CACNA2D3: variants seen among roughly 807,000 people sequenced by gnomAD.
The protein encoded by CACNA2D3 is calcium voltage-gated channel auxiliary subunit alpha2delta 3.
Under a neutral mutation model 160.6 loss-of-function variants are expected in CACNA2D3, and 60 were observed. The observed-to-expected ratio is 0.37, with a 90% confidence interval of 0.30 to 0.46. The LOEUF is 0.46. Ranked by LOEUF, CACNA2D3 falls within the 20% of genes least tolerant of loss-of-function variation. The pLI, the probability that CACNA2D3 is intolerant of heterozygous loss-of-function variation, is 1.00. For synonymous variants in CACNA2D3, 558 were observed against 492.9 expected (o/e 1.13, Z -1.75); for missense variants, 1,205 against 1,365.0 (o/e 0.88, Z 1.85).
intron 27 of CACNA2D3, chr3:54,901,214 G>A (rs1322196099): frequency 1.3e-5 from 2 of 152,162 alleles, no homozygotes; most frequent in Admixed American, 6.5e-5. Flanking sequence ...CGGGAGCTGA[G>A]GCCACATGCA....
intron 5 of CACNA2D3, among the ~76,000 whole-genome samples, chr3:54,555,551 C>G (rs1314381810): frequency 6.6e-6 from 1 of 152,132 alleles, no homozygotes; most frequent in East Asian, 1.9e-4. Context: ...AAAGACAGAT[C>G]AGGGTTGTGG....
chr3:54,294,064 A>G (rs1703273813), intron 2 of CACNA2D3, among the ~76,000 whole-genome samples: 1 of 152,196 alleles, frequency 6.6e-6, no homozygotes, highest in Non-Finnish European at 1.5e-5. Context: ...CTGATCCCAT[A>G]ATTTGGAAGC....
chr3:54,621,326 C>T (rs1698983878), intron 9 of CACNA2D3, among the ~76,000 whole-genome samples: 1 of 152,230 alleles, frequency 6.6e-6, no homozygotes, highest in South Asian at 2.1e-4. Context: ...CCAGGATCCT[C>T]TGCTGGCCTC....
intron 2 of CACNA2D3, among the ~76,000 whole-genome samples, chr3:54,164,208 C>T (rs2107301163): frequency 6.6e-6 from 1 of 152,290 alleles, no homozygotes; most frequent in South Asian, 2.1e-4. Context: ...AGAGGGTAGG[C>T]CCGGCTGTCC....
In CACNA2D3 at chr3:54,704,046, A is replaced by C. The variant is rs889427488; in HGVS notation, c.1168-48553A>C. Among the ~76,000 whole-genome samples, 4 of 152,242 alleles carry C rather than the reference A, an allele frequency of 2.6e-5. No individual in the cohort carries two copies. In the East Asian group the frequency reaches 7.7e-4, roughly 29 times the overall value. On this transcript the variant is annotated intron_variant, in intron 11 of 37. Transcript: ENST00000474759. Reference sequence around the variant, plus strand: ...AGCAAGTGGTTTTTCTTGTGCAAACAGCTTCATAGAAATGTCAAATCTGGC... The same window carrying C: ...AGCAAGTGGTTTTTCTTGTGCAAACCGCTTCATAGAAATGTCAAATCTGGC...
chr3:54,270,804 A>G (rs1702607516), intron 2 of CACNA2D3, among the ~76,000 whole-genome samples: 1 of 152,202 alleles, frequency 6.6e-6, no homozygotes. Context: ...AGTCCAGGGC[A>G]TCTTGCAGCT....
chr3:54,625,027 G>A (rs560662248), intron 9 of CACNA2D3, among the ~76,000 whole-genome samples: 26 of 152,208 alleles, frequency 1.7e-4, no homozygotes, highest in Non-Finnish European at 3.4e-4. Flanking sequence ...TGGAGGACCT[G>A]CCATGCACTT....
chr3:55,055,049 A>C (rs1704328372), intron 35 of CACNA2D3, among the ~76,000 whole-genome samples: 1 of 152,010 alleles, frequency 6.6e-6, no homozygotes, highest in South Asian at 2.1e-4. Context: ...TTGAATTTTA[A>C]CTTTTAGAGT....
chr3:54,575,688 T>A (rs975989865), intron 8 of CACNA2D3, among the ~76,000 whole-genome samples: 1 of 152,138 alleles, frequency 6.6e-6, no homozygotes, highest in African/African-American at 2.4e-5. Context: ...GCTGGGTGTC[T>A]AGAGCTGGGT....
chr3:55,007,684 T>C lies in CACNA2D3; in HGVS notation c.2767-106T>C. 4 of 698,696 alleles carry C rather than the reference T, an allele frequency of 5.7e-6. No individual in the cohort carries two copies. The East Asian group carries it at 9.5e-5, about 17-fold the overall frequency. The allele number at this position is 698,696 out of a possible 1,614,324, so 43.3% of individuals were successfully genotyped here. On this transcript the variant is annotated intron_variant, in intron 32 of 37. Coordinates refer to ENST00000474759, the MANE Select transcript of CACNA2D3 (RefSeq NM_018398.3). ...AACGCCACTGTTTTTTAACATGATA[T>C]CAATCTCTCTAGAAGAATAACATTG...
At chr3:54,763,248 C>G (rs1406662935) in intron 12 of CACNA2D3, among the ~76,000 whole-genome samples, 1 of 152,034 alleles carries the variant, frequency 6.6e-6, no homozygotes, top group East Asian at 1.9e-4. Flanking sequence ...GACTTACAAA[C>G]CTGGACTCAT....
At chr3:54,205,694 AG>A (rs1171238223) in intron 2 of CACNA2D3, among the ~76,000 whole-genome samples, 2 of 152,178 alleles carry the variant, frequency 1.3e-5, no homozygotes, top group African/African-American at 2.4e-5. Flanking sequence ...GCAGACACCA[AG>A]GTAAAGAGCA....
intron 14 of CACNA2D3, among the ~76,000 whole-genome samples, chr3:54,833,515 C>A (rs564138446): frequency 1.3e-5 from 2 of 152,070 alleles, no homozygotes; most frequent in East Asian, 1.9e-4. Flanking sequence ...AAAGCAGGGA[C>A]CCCCCTAGCA....
chr3:54,969,079 G>A (rs923332412), intron 28 of CACNA2D3, among the ~76,000 whole-genome samples: 5 of 151,982 alleles, frequency 3.3e-5, no homozygotes, highest in African/African-American at 9.7e-5. Context: ...ATGTTAGAAT[G>A]GCTTATCATC....
At chr3:54,231,793 G>A (rs1262802266) in intron 2 of CACNA2D3, among the ~76,000 whole-genome samples, 8 of 150,576 alleles carry the variant, frequency 5.3e-5, no homozygotes, top group East Asian at 2.0e-4. Flanking sequence ...TTTCATGTTC[G>A]TCATATTCCA....
At chr3:54,884,600 G>A (rs1699881214) in intron 21 of CACNA2D3, among the ~76,000 whole-genome samples, 1 of 152,198 alleles carries the variant, frequency 6.6e-6, no homozygotes, top group Non-Finnish European at 1.5e-5. Context: ...CCATGTGAAA[G>A]TGCAATGAAA....
In CACNA2D3 at chr3:54,736,122, TATATATATGTATATATATAC is replaced by T. The variant is rs1559563820; in HGVS notation, c.1168-16475_1168-16456del. ...ATACATATATATGTATATATATACA[TATATATATGTATATATATAC>T]ACACACACACACACACACACACAGA... On this transcript the variant is annotated intron_variant, in intron 11 of 37. Transcript: ENST00000474759. Among the ~76,000 whole-genome samples the T allele has an allele frequency of 1.0e-3, 68 of 64,790 alleles. 6 individuals carry two copies. The highest frequency in any genetic ancestry group is 1.7e-3 in the Non-Finnish European group (51 of 30,618). 42.5% of individuals were successfully genotyped at this position (64,790 alleles called of 152,430 possible).
chr3:54,218,183 T>C (rs1701498004), intron 2 of CACNA2D3, among the ~76,000 whole-genome samples: 1 of 152,180 alleles, frequency 6.6e-6, no homozygotes, highest in South Asian at 2.1e-4. Flanking sequence ...CTTCTCTTTG[T>C]GCTTCAACCA....
intron 14 of CACNA2D3, among the ~76,000 whole-genome samples, chr3:54,831,665 GAT>G (rs2106746689): frequency 6.6e-6 from 1 of 152,316 alleles, no homozygotes; most frequent in African/African-American, 2.4e-5. Context: ...TTGTGGGAAA[GAT>G]ATGCAACCAT....
Sources: gnomAD v4.1 joint callset for allele counts (sites outside exome capture counted in the v4.1 genomes callset) on GRCh38, gnomAD v4.1.1 for gene constraint, MANE v1.5 for transcripts, NCBI Gene and HGNC (gene_info 2026-07-23, HGNC 2026-07-21) for gene names.